The following GABRG3 variants were observed in gnomAD, a reference collection of about 807,000 sequenced individuals.
GABRG3 encodes the protein gamma-aminobutyric acid receptor subunit gamma-3.
In GABRG3, 25 loss-of-function variants were observed where a neutral mutation model predicts 48.8. That is an observed-to-expected ratio of 0.51 (90% confidence interval 0.37 to 0.72). The LOEUF (loss-of-function observed/expected upper bound fraction) is 0.72, where lower values mean the gene tolerates loss of function less well. GABRG3 is among the 30% of genes least tolerant of loss of function. GABRG3 has a pLI of 0.00. For synonymous variants in GABRG3, 227 were observed against 217.6 expected (o/e 1.04, Z -0.38); for missense variants, 394 against 577.9 (o/e 0.68, Z 3.26).
intron 5 of GABRG3, chr15:27,365,962 G>A (rs1895184278): frequency 6.6e-6 from 1 of 152,122 alleles, no homozygotes; most frequent in African/African-American, 2.4e-5. Context: ...CAAATGTACA[G>A]ATTTTGATTT....
intron 5 of GABRG3, among the ~76,000 whole-genome samples, chr15:27,354,378 C>T (rs1894765087): frequency 6.6e-6 from 1 of 152,166 alleles, no homozygotes; most frequent in Non-Finnish European, 1.5e-5. Context: ...TTCTAATCAA[C>T]AAAAGCAAAT....
chr15:27,242,008 A>G (rs1312973480), intron 3 of GABRG3, among the ~76,000 whole-genome samples: 1 of 152,222 alleles, frequency 6.6e-6, no homozygotes, highest in Admixed American at 6.5e-5. Context: ...AGCTGATATG[A>G]CAGCTTCATT....
chr15:27,139,224 T>C (rs1196403355), intron 3 of GABRG3, among the ~76,000 whole-genome samples: 3 of 152,150 alleles, frequency 2.0e-5, no homozygotes, highest in East Asian at 3.8e-4. Flanking sequence ...ATGATGTTAC[T>C]CTCAGTCCAA....
rs931456426 is a variant in GABRG3, at chr15:26,971,507, G to A, written c.-29G>A. The A allele has an allele frequency of 2.7e-6, 4 of 1,500,688 alleles. No homozygotes were observed. The highest frequency in any genetic ancestry group is 1.5e-5 in the African/African-American group (1 of 68,606). The allele number at this position is 1,500,688 out of a possible 1,614,324, so 93.0% of individuals were successfully genotyped here. On this transcript the variant is annotated 5_prime_UTR_variant, in exon 1 of 10. Coordinates refer to ENST00000615808, the MANE Select transcript of GABRG3 (RefSeq NM_033223.5). ...GGAAGCCGCGCCCGGCCGAGGCCCC[G>A]GACCCTGCGCCCCGAGCTCCACGGC...
chr15:27,214,098 A>C (rs1253662353), intron 3 of GABRG3, among the ~76,000 whole-genome samples: 4 of 152,158 alleles, frequency 2.6e-5, no homozygotes, highest in Non-Finnish European at 5.9e-5. Flanking sequence ...CAATCTGGAG[A>C]AGTCACCTCA....
chr15:27,492,835 T>A (rs1890387429), intron 6 of GABRG3, among the ~76,000 whole-genome samples: 1 of 152,246 alleles, frequency 6.6e-6, no homozygotes, highest in Admixed American at 6.5e-5. Flanking sequence ...ATTCTGTGTC[T>A]TCAATTCACA....
At chr15:27,161,855 A>G (rs1887202975) in intron 3 of GABRG3, among the ~76,000 whole-genome samples, 3 of 152,168 alleles carry the variant, frequency 2.0e-5, no homozygotes, top group African/African-American at 7.2e-5. Flanking sequence ...TAGTTAATAC[A>G]TCACAGCTTC....
At chr15:27,059,950 C>G (rs1896618151) in intron 3 of GABRG3, among the ~76,000 whole-genome samples, 1 of 152,216 alleles carries the variant, frequency 6.6e-6, no homozygotes, top group African/African-American at 2.4e-5. Flanking sequence ...GAACAATGTT[C>G]TCTTTTTAGA....
intron 3 of GABRG3, among the ~76,000 whole-genome samples, chr15:27,038,459 C>A (rs573104619): frequency 1.3e-5 from 2 of 152,158 alleles, no homozygotes; most frequent in Non-Finnish European, 2.9e-5. Context: ...GAGTTTCTTG[C>A]CTCTCCTGTC....
At chr15:27,254,181 C>T (rs866447820) in intron 3 of GABRG3, among the ~76,000 whole-genome samples, 26 of 152,274 alleles carry the variant, frequency 1.7e-4, no homozygotes, top group African/African-American at 5.8e-4. Flanking sequence ...TGGCCTTCAG[C>T]GGCTCCACAC....
At chr15:27,192,628 A>C (rs1003966213) in intron 3 of GABRG3, among the ~76,000 whole-genome samples, 47 of 152,138 alleles carry the variant, frequency 3.1e-4, no homozygotes, top group African/African-American at 1.1e-3. Flanking sequence ...ACATTCGTCT[A>C]AATTGTTTTC....
In GABRG3 at chr15:26,976,679, T is replaced by C. The variant is rs1025533147; in HGVS notation, c.54-323T>C. On this transcript the variant is annotated intron_variant, in intron 1 of 9. Coordinates refer to ENST00000615808, the MANE Select transcript of GABRG3 (RefSeq NM_033223.5). The surrounding 1 kb of genome is among the most constrained non-coding windows in gnomAD (Gnocchi z 7.8). ...GACCTTCACAGGCTATCGGGGTGGA[T>C]CCAAGGGTGTGTTGCCTGCTGGTTG... 2.6e-5 allele frequency among the ~76,000 whole-genome samples: 4 copies of C among 152,186 alleles called. No homozygotes were observed. The highest frequency in any genetic ancestry group is 9.7e-5 in the African/African-American group (4 of 41,446).
rs140248914 is a variant in GABRG3, at chr15:27,345,671, C to T, written c.574+16783C>T. On this transcript the variant is annotated intron_variant, in intron 5 of 9. Coordinates refer to ENST00000615808, the MANE Select transcript of GABRG3 (RefSeq NM_033223.5). ...TTTATATAGATCTAAGTTTCTGGCA[C>T]GCCACTTTTCTTCTGCATGATTAAA... Among the ~76,000 whole-genome samples the T allele has an allele frequency of 5.0e-4, 76 of 152,274 alleles. 1 individual carries two copies. Among genetic ancestry groups the T allele is most frequent in the East Asian group, 1.7e-3 (9 of 5,184 alleles).
intron 3 of GABRG3, among the ~76,000 whole-genome samples, chr15:27,321,626 T>C (rs1417841089): frequency 6.6e-6 from 1 of 152,230 alleles, no homozygotes; most frequent in African/African-American, 2.4e-5. Flanking sequence ...AGCCAGTGGC[T>C]TCTTTTCCTG....
At chr15:27,001,888 G>GTTTTTTTTTTTTTTTTTTTTT (rs60516105) in intron 2 of GABRG3, among the ~76,000 whole-genome samples, 53 of 121,192 alleles carry the variant, frequency 4.4e-4, no homozygotes, top group Admixed American at 1.2e-3. Flanking sequence ...CCATAACTCA[G>GTTTTTTTTTTTTTTTTTTTTT]TTTTTTTTTT....
intron 5 of GABRG3, among the ~76,000 whole-genome samples, chr15:27,414,405 T>C (rs951870132): frequency 6.6e-6 from 1 of 152,118 alleles, no homozygotes; most frequent in Non-Finnish European, 1.5e-5. Context: ...GGGGTTTCAT[T>C]GGGAGACGGA....
intron 3 of GABRG3, among the ~76,000 whole-genome samples, chr15:27,315,164 TAAAAAGAATTAAAAGGAAGAAA>T (rs923832688): frequency 4.6e-5 from 7 of 152,216 alleles, no homozygotes; most frequent in African/African-American, 1.7e-4. Context: ...TCTTTTATTT[TAAAAAGAATTAAAAGGAAGAAA>T]AGCAAACTAT....
chr15:27,003,748 A>G (rs1895508324), intron 2 of GABRG3, among the ~76,000 whole-genome samples: 1 of 151,920 alleles, frequency 6.6e-6, no homozygotes, highest in East Asian at 1.9e-4. Flanking sequence ...TACACCTCCC[A>G]GACGGGGTGG....
rs143348409 is a variant in GABRG3, at chr15:27,392,097, A to G, written c.574+63209A>G. On this transcript the variant is annotated intron_variant, in intron 5 of 9. Transcript: ENST00000615808. ...TATAGAAACACTGTGAAGACAGCACAGCATTTCCACATACCACATCCCCAT... is the reference window on the plus strand; with the variant it reads ...TATAGAAACACTGTGAAGACAGCACGGCATTTCCACATACCACATCCCCAT... Among the ~76,000 whole-genome samples, 757 of 152,356 alleles carry G rather than the reference A, an allele frequency of 5.0e-3. 8 individuals carry two copies. Among genetic ancestry groups the G allele is most frequent in the African/African-American group, 0.018 (731 of 41,584 alleles).
Sources: gnomAD v4.1 joint callset for allele counts (sites outside exome capture counted in the v4.1 genomes callset) on GRCh38, gnomAD v4.1.1 for gene constraint, Gnocchi (gnomAD v3.1) non-coding constraint, MANE v1.5 for transcripts, NCBI Gene and HGNC (gene_info 2026-07-23, HGNC 2026-07-21) for gene names.